The following NKX1-1 variants were observed in gnomAD, a reference collection of about 807,000 sequenced individuals.
NKX1-1 encodes NK1 transcription factor-related protein 1.
NKX1-1 carries 7 observed loss-of-function variants against 1.7 expected under a neutral mutation model. That is an observed-to-expected ratio of 4.22 (90% CI 2.40 to 7.92). The LOEUF is 7.92. Among genes scored for constraint, NKX1-1 ranks in the 30% most tolerant of loss-of-function variants. The pLI, the probability that NKX1-1 is intolerant of heterozygous loss-of-function variation, is 0.00. For missense variants in NKX1-1, 453 were observed against 171.5 expected (o/e 2.64, Z -9.17); for synonymous variants, 242 against 85.3 (o/e 2.84, Z -10.13).
In NKX1-1 at chr4:1,403,664, C is replaced by T. The variant is rs1295786837; in HGVS notation, c.615G>A (p.Glu205=). ...DDDEDEAPET[E]AARGAEEARG... ...GCGCCTCCTCCGCGCCTCGCGCCGC[C>T]TCCGTCTCGGGCGCTTCGTCCTCGT... Residue 205 remains glutamate, a synonymous_variant, in exon 2 of 2, where the codon GAG becomes GAA. Transcript: ENST00000422806. The T allele has an allele frequency of 3.1e-6, 2 of 647,844 alleles. No individual in the cohort carries two copies. The highest frequency in any genetic ancestry group is 5.0e-5 in the Admixed American group (2 of 40,216). 40.1% of individuals were successfully genotyped at this position (647,844 alleles called of 1,614,324 possible).
In NKX1-1 at chr4:1,403,427, C is replaced by A; in HGVS notation, c.852G>T (p.Arg284=). ...QGTATAAKPK[R]KRTGSDSKSG... Reference sequence around the variant, plus strand: ...ACTTGGAGTCGGACCCCGTGCGCTTCCGCTTGGGCTTCGCCGCCGTCGCCG... The same window carrying A: ...ACTTGGAGTCGGACCCCGTGCGCTTACGCTTGGGCTTCGCCGCCGTCGCCG... Residue 284 remains arginine (R), a synonymous_variant, in exon 2 of 2, where the codon CGG becomes CGT. Coordinates refer to ENST00000422806, the MANE Select transcript of NKX1-1 (RefSeq NM_001290079.1). The A allele has an allele frequency of 1.5e-6, 1 of 646,588 alleles. No homozygotes were observed. The highest frequency in any genetic ancestry group is 2.8e-6 in the Non-Finnish European group (1 of 358,290). The allele number at this position is 646,588 out of a possible 1,614,324, so 40.1% of individuals were successfully genotyped here.
At chr4:1,405,564 TTG>T (rs770075626) in intron 1 of NKX1-1, among the ~76,000 whole-genome samples, 5 of 151,584 alleles carry the variant, frequency 3.3e-5, no homozygotes, top group Admixed American at 1.3e-4. Flanking sequence ...TTAGTCTGAT[TTG>T]TCCAAAAAAA....
In NKX1-1 at chr4:1,403,512, G is replaced by A. The variant is rs537696025; in HGVS notation, c.767C>T (p.Ala256Val). The A allele has an allele frequency of 5.4e-4, 264 of 492,236 alleles. 2 individuals are homozygous for A. Among genetic ancestry groups the A allele is most frequent in the Middle Eastern group, 3.6e-3 (7 of 1,968 alleles). 30.5% of individuals were successfully genotyped at this position (492,236 alleles called of 1,614,324 possible). ...APGPRENSPV[A>V]QGPPGGAAAP... ...CGCTGCACCTCCCGGTGGGCCCTGG[G>A]CAACGGGCGAGTTCTCGCGGGGTCC... The change falls in exon 2 of 2, where the codon GCC becomes GTC. Residue 256 changes from alanine (A) to valine (V), a missense_variant. Physicochemically the swap from Ala to Val is moderately conservative, Grantham distance 64. Coordinates refer to ENST00000422806, the MANE Select transcript of NKX1-1 (RefSeq NM_001290079.1).
At position 1,403,014 on chromosome 4, in the gene NKX1-1, A is replaced by G. The variant is rs1289209171; in HGVS notation, c.1265T>C (p.Leu422Pro). ...GGGCGAGAGCACCGCCGGGCTCGAC[A>G]GGAACGGCAGCTGCGCGGCGCACAC... is the stretch of plus-strand genomic sequence containing the variant. The part of the protein sequence containing the change: ...GLVCAAQLPF[L>P]SSPAVLSPFV... Residue 422 changes from leucine to proline, a missense_variant, in exon 2 of 2, where the codon CTG becomes CCG. Transcript: ENST00000422806. The G allele has an allele frequency of 7.9e-6, 5 of 632,960 alleles. No individual in the cohort carries two copies. The highest frequency in any genetic ancestry group is 1.4e-5 in the Non-Finnish European group (5 of 355,740). 39.2% of individuals were successfully genotyped at this position (632,960 alleles called of 1,614,324 possible). A position where few individuals can be genotyped will look rare whatever the true frequency, so the allele number is the denominator to read the frequency against.
intron 1 of NKX1-1, among the ~76,000 whole-genome samples, chr4:1,405,325 A>G (rs1720730560): frequency 6.6e-6 from 1 of 152,196 alleles, no homozygotes; most frequent in South Asian, 2.1e-4. Context: ...TAAGTGTAAT[A>G]GGTTTTAATC....
chr4:1,406,258 G>A lies in NKX1-1; in HGVS notation c.185C>T (p.Pro62Leu). 1 of 443,114 alleles carries A rather than the reference G, an allele frequency of 2.3e-6. No homozygotes were observed. Among genetic ancestry groups the A allele is most frequent in the Non-Finnish European group, 3.9e-6 (1 of 254,890 alleles). 27.4% of individuals were successfully genotyped at this position (443,114 alleles called of 1,614,324 possible). A position where few individuals can be genotyped will look rare whatever the true frequency, so the allele number is the denominator to read the frequency against. ...APPLAASDTV[P>L]AAPEGAGAAR... ...CGCTCCAGCCCCCTCGGGCGCCGCA[G>A]GCACAGTGTCGCTGGCCGCGAGCGG... Residue 62 changes from proline to leucine, a missense_variant, in exon 1 of 2, where the codon CCT becomes CTT. Transcript: ENST00000422806.
intron 1 of NKX1-1, among the ~76,000 whole-genome samples, chr4:1,405,577 A>G (rs1560506206): frequency 6.6e-6 from 1 of 152,028 alleles, no homozygotes. Flanking sequence ...TCCAAAAAAA[A>G]AGAGAGAGAG....
Position 1,403,832 on chromosome 4 carries a change from C to G in NKX1-1, c.464-17G>C. 1 of 653,430 alleles carries G rather than the reference C, an allele frequency of 1.5e-6. No individual in the cohort carries two copies. Among genetic ancestry groups the G allele is most frequent in the Non-Finnish European group, 2.8e-6 (1 of 362,670 alleles). 40.5% of individuals were successfully genotyped at this position (653,430 alleles called of 1,614,324 possible). On this transcript the variant is annotated splice_polypyrimidine_tract_variant and intron_variant, in intron 1 of 1. Coordinates refer to ENST00000422806, the MANE Select transcript of NKX1-1 (RefSeq NM_001290079.1). ...CGCCGGCGTCTGCGGGAGGGAGGGACAAGGACAGGGCAGGGCAGTTAGGAC... is the reference window on the plus strand; with the variant it reads ...CGCCGGCGTCTGCGGGAGGGAGGGAGAAGGACAGGGCAGGGCAGTTAGGAC...
chr4:1,403,960 C>G (rs1720704846), intron 1 of NKX1-1, 145 bp from the exon 2 acceptor site: 1 of 473,450 alleles, frequency 2.1e-6, no homozygotes, highest in Non-Finnish European at 3.7e-6. Context: ...CGCCTCCTCT[C>G]TCTCTCCTTC....
rs2109343705 is a variant in NKX1-1 at position 1,402,968 on chromosome 4, G to T, written c.1311C>A (p.Thr437=). The change falls in exon 2 of 2, where the codon ACC becomes ACA. Residue 437 remains threonine, a synonymous_variant. Transcript: ENST00000422806. ...VLSPFVLGSQ[T]YGAPAFYAPH... ...GCGCGTAGAAGGCGGGCGCCCCGTA[G>T]GTCTGCGAGCCCAGCACGAAGGGCG... is the stretch of plus-strand genomic sequence containing the variant. 3.0e-6 allele frequency: 2 copies of T among 665,706 alleles called. No individual in the cohort carries two copies. The highest frequency in any genetic ancestry group is 5.4e-6 in the Non-Finnish European group (2 of 369,800). The allele number at this position is 665,706 out of a possible 1,614,324, so 41.2% of individuals were successfully genotyped here. A position where few individuals can be genotyped will look rare whatever the true frequency, so the allele number is the denominator to read the frequency against.
At chr4:1,403,959 T>G in intron 1 of NKX1-1, 144 bp from the exon 2 acceptor site, 1 of 468,512 alleles carries the variant, frequency 2.1e-6, no homozygotes, top group Non-Finnish European at 3.8e-6. Context: ...CCGCCTCCTC[T>G]CTCTCTCCTT....
intron 1 of NKX1-1, among the ~76,000 whole-genome samples, chr4:1,405,554 T>C (rs1437337099): frequency 6.6e-6 from 1 of 151,536 alleles, no homozygotes; most frequent in Admixed American, 6.6e-5. Context: ...TTTGTCACAA[T>C]TAGTCTGATT....
In NKX1-1 at chr4:1,403,694, G is replaced by A. The variant is rs1249510058; in HGVS notation, c.585C>T (p.Asp195=). 3 of 684,284 alleles carry A rather than the reference G, an allele frequency of 4.4e-6. No individual in the cohort carries two copies. Among genetic ancestry groups the A allele is most frequent in the Non-Finnish European group, 7.9e-6 (3 of 380,894 alleles). 42.4% of individuals were successfully genotyped at this position (684,284 alleles called of 1,614,324 possible). Residue 195 remains aspartate (D), a synonymous_variant, in exon 2 of 2, where the codon GAC becomes GAT. Transcript: ENST00000422806. ...TCTCGGGCGCTTCGTCCTCGTCGTC[G>A]TCCTCGTCGTCGGGAACCTCGTCCC... ...DSGDEVPDDE[D]DDEDEAPETE... is the part of the protein sequence containing the mutation.
chr4:1,405,034 C>T (rs976558358), intron 1 of NKX1-1, among the ~76,000 whole-genome samples: 5 of 152,266 alleles, frequency 3.3e-5, no homozygotes, highest in Admixed American at 6.5e-5. Context: ...ATAGACTCCC[C>T]GCAGGTGGAG....
rs1720689014 is a variant in NKX1-1 at position 1,403,270 on chromosome 4, C to T, written c.1009G>A (p.Glu337Lys). 1 of 736,628 alleles carries T rather than the reference C, an allele frequency of 1.4e-6. No homozygotes were observed. Among genetic ancestry groups the T allele is most frequent in the Non-Finnish European group, 2.5e-6 (1 of 397,806 alleles). 45.6% of individuals were successfully genotyped at this position (736,628 alleles called of 1,614,324 possible). A position where few individuals can be genotyped will look rare whatever the true frequency, so the allele number is the denominator to read the frequency against. ...LNLALSLSLT[E>K]TQVKIWFQNR... ...TGGAACCAGATCTTCACCTGCGTCT[C>T]GGTGAGGCTGAGCGACAGCGCCAGG... The change falls in exon 2 of 2, where the codon GAG (glutamate) becomes AAG (lysine). Residue 337 changes from glutamate to lysine, a missense_variant. Glu to Lys is a moderately conservative substitution (Grantham distance 56). Transcript: ENST00000422806.
Position 1,406,241 on chromosome 4 carries a change from C to A in NKX1-1, c.202G>T (p.Ala68Ser), listed in dbSNP as rs888398643. The change falls in exon 1 of 2, where the codon GCT becomes TCT. Residue 68 changes from alanine to serine, a missense_variant. By Grantham distance (99) the Ala-to-Ser change is moderately conservative. Transcript: ENST00000422806. ...GGCGCTGCGGGCCGGGCCGCTCCAGCCCCCTCGGGCGCCGCAGGCACAGTG... is the reference window on the plus strand; with the variant it reads ...GGCGCTGCGGGCCGGGCCGCTCCAGACCCCTCGGGCGCCGCAGGCACAGTG... Reference protein sequence around the residue: ...SDTVPAAPEGAGAARPAAPLR... With the variant: ...SDTVPAAPEGSGAARPAAPLR... 4 of 485,822 alleles carry A rather than the reference C, an allele frequency of 8.2e-6. No homozygotes were observed. Among genetic ancestry groups the A allele is most frequent in the East Asian group, 3.6e-5 (1 of 27,706 alleles). The allele number at this position is 485,822 out of a possible 1,614,324, so 30.1% of individuals were successfully genotyped here. A position where few individuals can be genotyped will look rare whatever the true frequency, so the allele number is the denominator to read the frequency against.
At chr4:1,405,810 G>T (rs1462656886) in intron 1 of NKX1-1, among the ~76,000 whole-genome samples, 170 bp downstream of exon 1, 1 of 152,248 alleles carries the variant, frequency 6.6e-6, no homozygotes, top group Non-Finnish European at 1.5e-5. Context: ...CTGCAGTCCG[G>T]GTCGGATGGA....
Position 1,406,224 on chromosome 4 carries a change from G to T in NKX1-1, c.219C>A (p.Pro73=). 1 of 538,536 alleles carries T rather than the reference G, an allele frequency of 1.9e-6. No homozygotes were observed. The highest frequency in any genetic ancestry group is 3.3e-6 in the Non-Finnish European group (1 of 304,420). The allele number at this position is 538,536 out of a possible 1,614,324, so 33.4% of individuals were successfully genotyped here. The part of the protein sequence containing the change: ...AAPEGAGAAR[P]AAPLRPTSFS... ...AGGAGGTGGGGCGCAGGGGCGCTGC[G>T]GGCCGGGCCGCTCCAGCCCCCTCGG... The change falls in exon 1 of 2, where the codon CCC becomes CCA. Residue 73 remains proline, a synonymous_variant. Coordinates refer to ENST00000422806, the MANE Select transcript of NKX1-1 (RefSeq NM_001290079.1).
intron 1 of NKX1-1, among the ~76,000 whole-genome samples, chr4:1,404,187 G>T (rs1454636937): frequency 6.6e-6 from 1 of 152,236 alleles, no homozygotes; most frequent in Non-Finnish European, 1.5e-5. Context: ...TGATCGATCC[G>T]CAGGGCTGAT....
Sources: gnomAD v4.1 joint callset for allele counts (sites outside exome capture counted in the v4.1 genomes callset) on GRCh38, gnomAD v4.1.1 for gene constraint, MANE v1.5 for transcripts, NCBI Gene and HGNC (gene_info 2026-07-23, HGNC 2026-07-21) for gene names.